The following SYNE1 variants were observed in gnomAD, a reference collection of about 807,000 sequenced individuals.
SYNE1 encodes nesprin-1.
A neutral mutation model predicts 1,111.0 loss-of-function variants in SYNE1; 616 were observed. The ratio of observed to expected loss-of-function variants is 0.55; its 90% CI spans 0.52 to 0.59. SYNE1 has a LOEUF of 0.59. SYNE1 is among the 20% of genes least tolerant of loss of function. The probability of loss-of-function intolerance (pLI) is 0.00; values close to 1 mark genes in which losing one functional copy is unlikely to be tolerated. For missense variants in SYNE1, 10,006 were observed against 10,417.0 expected, an observed-to-expected ratio of 0.96 and a Z score of 1.72; for synonymous variants, 3,855 against 3,825.8, an observed-to-expected ratio of 1.01 and a Z score of -0.28.
rs201702324 is a variant in SYNE1, at chr6:152,465,792, C to CAG, written c.1729+189_1729+190insCT. ...ACACACACACACACACACACACACA[C>CAG]ACACAATGATTATGCAGGTTAGGCA... On this transcript the variant is annotated intron_variant, in intron 17 of 145. Transcript: ENST00000367255. Among the ~76,000 whole-genome samples, 4,955 of 151,840 alleles carry CAG rather than the reference C, an allele frequency of 0.033. 278 individuals are homozygous for CAG. The highest frequency in any genetic ancestry group is 0.11 in the African/African-American group (4,702 of 41,344).
intron 64 of SYNE1, 104 bp from the exon 65 acceptor site, chr6:152,359,562 A>G: frequency 2.8e-6 from 4 of 1,453,082 alleles, no homozygotes; most frequent in Non-Finnish European, 3.8e-6. Context: ...AAGTGACCTC[A>G]GGTTATTTAT....
At chr6:152,509,623 G>C (rs747071636) in intron 8 of SYNE1, among the ~76,000 whole-genome samples, 9 of 151,898 alleles carry the variant, frequency 5.9e-5, no homozygotes, top group Non-Finnish European at 1.2e-4. Flanking sequence ...ATTATGCCTA[G>C]AGGAAAACTG....
At chr6:152,493,939 A>G (rs1216996305) in intron 11 of SYNE1, among the ~76,000 whole-genome samples, 1 of 152,124 alleles carries the variant, frequency 6.6e-6, no homozygotes, top group African/African-American at 2.4e-5. Flanking sequence ...TTCCTTAAAA[A>G]CTGTCCTAAA....
intron 55 of SYNE1, chr6:152,381,700 A>T: frequency 2.8e-6 from 1 of 355,806 alleles, no homozygotes; most frequent in South Asian, 2.7e-5. Context: ...GATTAAACCC[A>T]TATTTCCCTC....
At chr6:152,294,702 T>C (rs375989718) in intron 93 of SYNE1, among the ~76,000 whole-genome samples, 4 of 152,292 alleles carry the variant, frequency 2.6e-5, no homozygotes, top group East Asian at 1.9e-4. Flanking sequence ...AGGTTTTCTA[T>C]GCATTTCCTA....
At chr6:152,427,928 TATCTC>T (rs1200798616) in intron 37 of SYNE1, 112 bp from the exon 38 acceptor site, 23 of 1,473,122 alleles carry the variant, frequency 1.6e-5, no homozygotes, top group Non-Finnish European at 2.1e-5. Context: ...CAGCCTCAGT[TATCTC>T]AGTCTTAGAT....
chr6:152,461,492 T>C (rs1470556914), intron 21 of SYNE1, 105 bp downstream of exon 21: 1 of 1,401,142 alleles, frequency 7.1e-7, no homozygotes, highest in East Asian at 2.3e-5. Flanking sequence ...AACAAAAGCA[T>C]CGTTAACAAG....
chr6:152,334,054 C>T lies in SYNE1; in HGVS notation c.12748G>A (p.Glu4250Lys). ...GTAGTAAATTTTTCTAGGAACACTTCAACAACATTCATACAGTCATGGTAA... is the reference window on the plus strand; with the variant it reads ...GTAGTAAATTTTTCTAGGAACACTTTAACAACATTCATACAGTCATGGTAA... Reference protein sequence around the residue: ...RDYHDCMNVVEVFLEKFTTEW... With the variant: ...RDYHDCMNVVKVFLEKFTTEW... The change falls in exon 77 of 146, where the codon GAA (glutamate) becomes AAA (lysine). Residue 4250 changes from glutamate to lysine, a missense_variant. Physicochemically the swap from Glu to Lys is moderately conservative, Grantham distance 56. This residue lies in a region of SYNE1 where 4,955 missense variants were observed against 5,017.2 expected (regional missense o/e 0.99). Transcript: ENST00000367255. 1.2e-6 allele frequency: 2 copies of T among 1,614,188 alleles called. No individual in the cohort carries two copies. The highest frequency in any genetic ancestry group is 1.7e-6 in the Non-Finnish European group (2 of 1,180,042).
At chr6:152,264,702 A>G (rs2092496362) in intron 100 of SYNE1, among the ~76,000 whole-genome samples, 1 of 152,174 alleles carries the variant, frequency 6.6e-6, no homozygotes, top group Non-Finnish European at 1.5e-5. Flanking sequence ...TTGGAGGCTA[A>G]GGCAAGAAAA....
rs548113864 is a variant in SYNE1, at chr6:152,406,475, T to C, written c.6723+539A>G. On this transcript the variant is annotated intron_variant, in intron 45 of 145. Transcript: ENST00000367255. ...TTAAAGAGCCCTAAATAAGCATAGATAAAAATGCAAAAAAAAAAAAACCCT... is the reference window on the plus strand; with the variant it reads ...TTAAAGAGCCCTAAATAAGCATAGACAAAAATGCAAAAAAAAAAAAACCCT... 1.2e-4 allele frequency among the ~76,000 whole-genome samples: 14 copies of C among 118,284 alleles called. No individual in the cohort carries two copies. In the South Asian group the frequency reaches 2.4e-3, roughly 20 times the overall value. The allele number at this position is 118,284 out of a possible 152,430, so 77.6% of individuals were successfully genotyped here.
chr6:152,281,012 C>CA (rs1026132838), intron 97 of SYNE1, among the ~76,000 whole-genome samples: 6 of 150,876 alleles, frequency 4.0e-5, no homozygotes, highest in African/African-American at 9.7e-5. Flanking sequence ...CCTCTGAGTC[C>CA]AAAAAAAAGG....
At chr6:152,275,035 T>C (rs1196179951) in intron 98 of SYNE1, among the ~76,000 whole-genome samples, 1 of 152,168 alleles carries the variant, frequency 6.6e-6, no homozygotes, top group Non-Finnish European at 1.5e-5. Context: ...GCTTCCTTAG[T>C]AGCTGGGACC....
intron 117 of SYNE1, among the ~76,000 whole-genome samples, chr6:152,223,350 G>A (rs542028060): frequency 1.1e-4 from 17 of 152,232 alleles, no homozygotes; most frequent in East Asian, 3.9e-4. Context: ...GGCCGGGCAT[G>A]GTGGCTCATG....
chr6:152,382,845 C>T (rs902674868), intron 55 of SYNE1, among the ~76,000 whole-genome samples: 5 of 152,162 alleles, frequency 3.3e-5, no homozygotes, highest in Admixed American at 2.6e-4. Flanking sequence ...TCTAGTCATT[C>T]AGAATTTGAA....
Position 152,133,477 on chromosome 6 carries a change from A to G in SYNE1, c.25800T>C (p.His8600=), listed in dbSNP as rs748474553. Residue 8600 remains histidine (H), a synonymous_variant, in exon 143 of 146, where the codon CAT becomes CAC. Transcript: ENST00000367255. Reference sequence around the variant, plus strand: ...CTCTGAGTTGGGATTCCAACAGCTCATGCTTTATTTGCTATGCATACAAAA... The same window carrying G: ...CTCTGAGTTGGGATTCCAACAGCTCGTGCTTTATTTGCTATGCATACAAAA... ...DHHKQLMQIK[H]ELLESQLRVA... 4.3e-6 allele frequency: 7 copies of G among 1,614,226 alleles called. No homozygotes were observed. Among genetic ancestry groups the G allele is most frequent in the Admixed American group, 1.7e-5 (1 of 60,032 alleles).
chr6:152,139,759 A>G lies in SYNE1; in HGVS notation c.25458+191T>C, dbSNP rs1244487641. On this transcript the variant is annotated intron_variant, in intron 140 of 145. Transcript: ENST00000367255. ...AAAGAAAGAAAGAAAGAAAAGAAAAAAAAGAAAACCATCTTTGTGGAATAC... is the reference window on the plus strand; with the variant it reads ...AAAGAAAGAAAGAAAGAAAAGAAAAGAAAGAAAACCATCTTTGTGGAATAC... Among the ~76,000 whole-genome samples, 4 of 151,172 alleles carry G rather than the reference A, an allele frequency of 2.6e-5. No homozygotes were observed. In the East Asian group the frequency reaches 5.8e-4, roughly 22 times the overall value.
intron 124 of SYNE1, among the ~76,000 whole-genome samples, chr6:152,209,502 C>A (rs904577557): frequency 6.6e-6 from 1 of 152,158 alleles, no homozygotes; most frequent in Non-Finnish European, 1.5e-5. Context: ...TTAATCCCAG[C>A]ACCTTGGGAG....
intron 3 of SYNE1, among the ~76,000 whole-genome samples, chr6:152,615,437 T>A: frequency 6.6e-6 from 1 of 151,642 alleles, no homozygotes. Context: ...TATTTTTTTT[T>A]AAAGCACAAA....
intron 36 of SYNE1, 28 bp from the exon 37 acceptor site, chr6:152,428,420 G>C: frequency 6.2e-7 from 1 of 1,611,628 alleles, no homozygotes; most frequent in African/African-American, 1.3e-5. Flanking sequence ...AGAATGCAGT[G>C]AAAGCACAGG....
Sources: gnomAD v4.1 joint callset for allele counts (sites outside exome capture counted in the v4.1 genomes callset) on GRCh38, gnomAD v4.1.1 for gene constraint, gnomAD v4.1.1 regional missense constraint, MANE v1.5 for transcripts, NCBI Gene and HGNC (gene_info 2026-07-23, HGNC 2026-07-21) for gene names.